MFHAS1: variants seen among roughly 807,000 people sequenced by gnomAD.
The protein encoded by MFHAS1 is malignant fibrous histiocytoma-amplified sequence 1.
In MFHAS1, 50 loss-of-function variants were observed where a neutral mutation model predicts 70.4. The ratio of observed to expected loss-of-function variants is 0.71; its 90% confidence interval spans 0.57 to 0.90. The LOEUF is 0.90. MFHAS1 is among the 40% of genes least tolerant of loss of function. The pLI is 0.00. For synonymous variants in MFHAS1, 952 were observed against 620.0 expected (o/e 1.54, Z -7.96); for missense variants, 1,795 against 1,347.6 (o/e 1.33, Z -5.20).
At chr8:8,876,149 C>T (rs1260888524) in intron 1 of MFHAS1, among the ~76,000 whole-genome samples, 2 of 152,180 alleles carry the variant, frequency 1.3e-5, no homozygotes, top group African/African-American at 2.4e-5. Flanking sequence ...CCAACACAAA[C>T]TATTATGATG....
At chr8:8,787,859 C>T (rs1001707033) in intron 2 of MFHAS1, among the ~76,000 whole-genome samples, 40 of 152,320 alleles carry the variant, frequency 2.6e-4, no homozygotes, top group African/African-American at 7.2e-4. Context: ...GACACCTAGA[C>T]GGAAAATCCC....
At chr8:8,840,034 A>G (rs996143788) in intron 1 of MFHAS1, among the ~76,000 whole-genome samples, 3 of 152,214 alleles carry the variant, frequency 2.0e-5, no homozygotes, top group Non-Finnish European at 4.4e-5. Flanking sequence ...ATATACACAT[A>G]TATGTTTGTA....
intron 1 of MFHAS1, among the ~76,000 whole-genome samples, chr8:8,823,186 T>A (rs1807030915): frequency 6.6e-6 from 1 of 152,224 alleles, no homozygotes; most frequent in Non-Finnish European, 1.5e-5. Flanking sequence ...ACAAACGGTT[T>A]TTCTCAGGGG....
At chr8:8,855,140 G>C (rs1020244194) in intron 1 of MFHAS1, among the ~76,000 whole-genome samples, 2 of 152,100 alleles carry the variant, frequency 1.3e-5, no homozygotes, top group Non-Finnish European at 2.9e-5. Flanking sequence ...TTCTTGTTGA[G>C]AGAGGTCTCG....
chr8:8,784,148 CT>C lies in MFHAS1; in HGVS notation c.*1873del, dbSNP rs754790595. ...TTAGCCCAAAATCATACAAATAAGC[CT>C]TTTTCTAAAGACAGGTCAAAGTTGG... On this transcript the variant is annotated 3_prime_UTR_variant, in exon 3 of 3. Transcript: ENST00000276282. The C allele has an allele frequency of 2.6e-5, 4 of 152,070 alleles. No individual in the cohort carries two copies. The highest frequency in any genetic ancestry group is 5.9e-5 in the Non-Finnish European group (4 of 68,020). 9.4% of individuals were successfully genotyped at this position (152,070 alleles called of 1,614,324 possible). A position where few individuals can be genotyped will look rare whatever the true frequency, so the allele number is the denominator to read the frequency against.
chr8:8,817,479 A>C (rs143306445), intron 1 of MFHAS1, among the ~76,000 whole-genome samples: 96 of 152,340 alleles, frequency 6.3e-4, no homozygotes, highest in African/African-American at 2.3e-3. Context: ...TGAGGCTTTC[A>C]ACAATTCCAC....
At chr8:8,832,356 C>T (rs1563194864) in intron 1 of MFHAS1, among the ~76,000 whole-genome samples, 1 of 151,378 alleles carries the variant, frequency 6.6e-6, no homozygotes, top group African/African-American at 2.4e-5. Flanking sequence ...TATTTAAAAA[C>T]TCATACAGCT....
intron 1 of MFHAS1, chr8:8,860,129 TTCA>T (rs1808605246): frequency 6.6e-6 from 1 of 152,174 alleles, no homozygotes; most frequent in South Asian, 2.1e-4. Context: ...CTGCAAATCC[TTCA>T]TCAAGAGTCA....
At chr8:8,872,978 G>A (rs332040) in intron 1 of MFHAS1, among the ~76,000 whole-genome samples, 90,633 of 151,956 alleles carry the variant, frequency 0.6, 28,912 homozygotes, top group East Asian at 0.85. Context: ...AGTGCCACTC[G>A]TGAGCCATCT....
At chr8:8,872,617 G>C (rs550874841) in intron 1 of MFHAS1, among the ~76,000 whole-genome samples, 2 of 152,066 alleles carry the variant, frequency 1.3e-5, no homozygotes, top group African/African-American at 2.4e-5. Context: ...GCATAGGCTC[G>C]GATGCATGAA....
chr8:8,878,073 G>C (rs999129669), intron 1 of MFHAS1, among the ~76,000 whole-genome samples: 1 of 151,706 alleles, frequency 6.6e-6, no homozygotes, highest in Non-Finnish European at 1.5e-5. Context: ...GCCTTTCTGG[G>C]AACCCTTCTC....
intron 1 of MFHAS1, among the ~76,000 whole-genome samples, chr8:8,889,611 T>C (rs1809909302): frequency 2.0e-5 from 3 of 152,162 alleles, no homozygotes; most frequent in Admixed American, 1.3e-4. Context: ...TCACGAAAAT[T>C]TAAGTTTTTT....
At chr8:8,866,396 G>A (rs546232885) in intron 1 of MFHAS1, among the ~76,000 whole-genome samples, 42 of 150,854 alleles carry the variant, frequency 2.8e-4, no homozygotes, top group Non-Finnish European at 5.0e-4. Flanking sequence ...TCAGCTCACC[G>A]TAGCCTCTGC....
At chr8:8,882,861 A>G (rs1436915045) in intron 1 of MFHAS1, among the ~76,000 whole-genome samples, 1 of 152,112 alleles carries the variant, frequency 6.6e-6, no homozygotes, top group Non-Finnish European at 1.5e-5. Flanking sequence ...CAATCAGAAA[A>G]GCTGAACCAG....
chr8:8,786,481 A>C (rs1805547123), intron 2 of MFHAS1, among the ~76,000 whole-genome samples: 2 of 152,198 alleles, frequency 1.3e-5, no homozygotes, highest in Admixed American at 1.3e-4. Context: ...CTAAAAAGTG[A>C]GATGTCTGTC....
intron 1 of MFHAS1, among the ~76,000 whole-genome samples, chr8:8,838,573 G>A (rs1256627570): frequency 2.6e-5 from 4 of 152,108 alleles, no homozygotes; most frequent in African/African-American, 4.8e-5. Flanking sequence ...AGCACTTTGG[G>A]AGGCAGAGGC....
Position 8,890,315 on chromosome 8 carries a change from T to G in MFHAS1, c.2744A>C (p.Gln915Pro). 1 of 1,614,206 alleles carries G rather than the reference T, an allele frequency of 6.2e-7. No individual in the cohort carries two copies. Among genetic ancestry groups the G allele is most frequent in the Non-Finnish European group, 8.5e-7 (1 of 1,180,028 alleles). ...HVVHRSDGKF[Q>P]IFAYRGKVPV... The stretch of plus-strand genomic sequence containing the variant: ...AACTTTCCCTCTATAGGCAAAGATC[T>G]GAAATTTACCATCCGACCTGTGCAC... Residue 915 changes from glutamine (Q) to proline (P), a missense_variant, in exon 1 of 3, where the codon CAG becomes CCG. By Grantham distance (76) the Gln-to-Pro change is moderately conservative. Transcript: ENST00000276282.
intron 1 of MFHAS1, among the ~76,000 whole-genome samples, chr8:8,885,844 G>C (rs1411037230): frequency 6.6e-6 from 1 of 152,186 alleles, no homozygotes; most frequent in Non-Finnish European, 1.5e-5. Context: ...CCAGGAGCTG[G>C]GATTACAGGC....
At chr8:8,801,265 A>G (rs1010085112) in intron 1 of MFHAS1, among the ~76,000 whole-genome samples, 1 of 152,164 alleles carries the variant, frequency 6.6e-6, no homozygotes, top group Non-Finnish European at 1.5e-5. Flanking sequence ...TTAAGCCTCC[A>G]TTATCAACTC....
Sources: allele counts gnomAD v4.1 joint callset (sites outside exome capture counted in the v4.1 genomes callset), GRCh38; gene constraint gnomAD v4.1.1; transcripts MANE v1.5; gene names NCBI Gene and HGNC (gene_info 2026-07-23, HGNC 2026-07-21).